PLXNA2: variants seen among roughly 807,000 people sequenced by gnomAD.
PLXNA2 encodes plexin-A2.
In PLXNA2, 91 loss-of-function variants were observed where a neutral mutation model predicts 193.5. The ratio of observed to expected loss-of-function variants is 0.47; its 90% CI spans 0.40 to 0.56. The LOEUF (loss-of-function observed/expected upper bound fraction) is 0.56. Among genes scored for constraint, PLXNA2 ranks in the 20% least tolerant of loss-of-function variants. The pLI is 0.00. For synonymous variants in PLXNA2, 997 were observed against 1,027.3 expected, an observed-to-expected ratio of 0.97 and a Z score of 0.56; for missense variants, 1,995 against 2,503.2, an observed-to-expected ratio of 0.80 and a Z score of 4.33.
chr1:208,203,242 C>T (rs988340337), intron 3 of PLXNA2, among the ~76,000 whole-genome samples: 5 of 152,150 alleles, frequency 3.3e-5, no homozygotes, highest in Non-Finnish European at 7.3e-5. Flanking sequence ...GGCGGGAGCC[C>T]GGGCAGGGAG....
chr1:208,047,692 G>A (rs546224549), intron 17 of PLXNA2, among the ~76,000 whole-genome samples: 2 of 152,306 alleles, frequency 1.3e-5, no homozygotes, highest in South Asian at 2.1e-4. Flanking sequence ...CATGTTATGC[G>A]TCTGGCCAAC....
intron 3 of PLXNA2, among the ~76,000 whole-genome samples, chr1:208,192,649 G>A (rs567563733): frequency 6.6e-6 from 1 of 152,106 alleles, no homozygotes; most frequent in African/African-American, 2.4e-5. Context: ...CACTTTGGGA[G>A]GCCAAGGTGG....
intron 8 of PLXNA2, 99 bp downstream of exon 8, chr1:208,095,930 A>T: frequency 2.3e-6 from 2 of 884,264 alleles, no homozygotes; most frequent in Non-Finnish European, 3.8e-6. Flanking sequence ...TGAGGTGACT[A>T]CAACGTGGTT....
chr1:208,124,679 CAA>C (rs34909092), intron 4 of PLXNA2, among the ~76,000 whole-genome samples: 11,329 of 68,438 alleles, frequency 0.17, 213 homozygotes, highest in Middle Eastern at 0.2. Flanking sequence ...AACTCCGTCT[CAA>C]AAAAAAAAAA....
intron 26 of PLXNA2, among the ~76,000 whole-genome samples, chr1:208,036,364 G>A (rs552788131): frequency 6.6e-5 from 10 of 152,234 alleles, no homozygotes; most frequent in African/African-American, 1.9e-4. Flanking sequence ...TCACTAAACC[G>A]CTCCTGTCCT....
At chr1:208,224,221 A>G (rs1671440930) in intron 1 of PLXNA2, among the ~76,000 whole-genome samples, 1 of 152,100 alleles carries the variant, frequency 6.6e-6, no homozygotes, top group South Asian at 2.1e-4. Flanking sequence ...CTGGTATTTA[A>G]ATAATTATTA....
intron 12 of PLXNA2, among the ~76,000 whole-genome samples, chr1:208,068,363 C>G (rs545703172): frequency 6.6e-6 from 1 of 152,142 alleles, no homozygotes; most frequent in Admixed American, 6.5e-5. Flanking sequence ...TGCAATCTCC[C>G]TTGCTTTAAT....
At chr1:208,042,715 T>C (rs750616241) in intron 21 of PLXNA2, among the ~76,000 whole-genome samples, 4 of 152,250 alleles carry the variant, frequency 2.6e-5, no homozygotes, top group Non-Finnish European at 5.9e-5. Context: ...TTATTATCTT[T>C]AGTAAAACAA....
At chr1:208,072,771 G>A (rs1666015711) in intron 12 of PLXNA2, among the ~76,000 whole-genome samples, 1 of 152,178 alleles carries the variant, frequency 6.6e-6, no homozygotes, top group South Asian at 2.1e-4. Flanking sequence ...AGGAGTAAGT[G>A]TGGACCTCAT....
At chr1:208,157,239 C>T (rs1347791199) in intron 3 of PLXNA2, among the ~76,000 whole-genome samples, 1 of 152,216 alleles carries the variant, frequency 6.6e-6, no homozygotes, top group African/African-American at 2.4e-5. Context: ...GATCCTGGTG[C>T]CTATGTTGAC....
intron 9 of PLXNA2, among the ~76,000 whole-genome samples, chr1:208,086,967 C>T (rs1173958644): frequency 1.1e-4 from 8 of 70,664 alleles, no homozygotes; most frequent in Non-Finnish European, 2.3e-4. Context: ...CTCTCTCTCT[C>T]TCTCTCTCTC....
In PLXNA2 at chr1:208,152,943, T is replaced by TGCTAGGAGTTCCTAGGTGCTA. The variant is rs1668817873; in HGVS notation, c.1372-10481_1372-10480insTAGCACCTAGGAACTCCTAGC. Reference sequence around the variant, plus strand: ...CACGAAGCCTGCACCAATCTTTCCTTGGAACTCCCATAGCACCTAGAATGT... The same window carrying TGCTAGGAGTTCCTAGGTGCTA: ...CACGAAGCCTGCACCAATCTTTCCTTGCTAGGAGTTCCTAGGTGCTAGGAACTCCCATAGCACCTAGAATGT... On this transcript the variant is annotated intron_variant, in intron 3 of 31. Coordinates refer to ENST00000367033, the MANE Select transcript of PLXNA2 (RefSeq NM_025179.4). Among the ~76,000 whole-genome samples the TGCTAGGAGTTCCTAGGTGCTA allele has an allele frequency of 6.6e-5, 10 of 152,110 alleles. 1 individual carries two copies. In the South Asian group the frequency reaches 2.1e-3, roughly 32 times the overall value.
rs1666371025 is a variant in PLXNA2 at position 208,082,309 on chromosome 1, G to A, written c.2395+103C>T. On this transcript the variant is annotated intron_variant, in intron 11 of 31. Transcript: ENST00000367033. This position sits in a 1 kb window ranked among gnomAD's most constrained non-coding sequence, Gnocchi z 4.2. Reference sequence around the variant, plus strand: ...GAAGAGTTCCGCCGACAGAGGGAGTGTATTATTCATGGCACAGCGGCTGGC... The same window carrying A: ...GAAGAGTTCCGCCGACAGAGGGAGTATATTATTCATGGCACAGCGGCTGGC... 1 of 842,364 alleles carries A rather than the reference G, an allele frequency of 1.2e-6. No homozygotes were observed. The highest frequency in any genetic ancestry group is 2.0e-6 in the Non-Finnish European group (1 of 503,802). The allele number at this position is 842,364 out of a possible 1,614,324, so 52.2% of individuals were successfully genotyped here. A position where few individuals can be genotyped will look rare whatever the true frequency, so the allele number is the denominator to read the frequency against.
intron 3 of PLXNA2, among the ~76,000 whole-genome samples, chr1:208,143,351 T>C (rs607354): frequency 1 from 152,362 of 152,362 alleles, 76,181 homozygotes; most frequent in Non-Finnish European, 1. Flanking sequence ...GAGGCCCACC[T>C]CCAGAATTTC....
In PLXNA2 at chr1:208,096,881, A is replaced by T. The variant is rs1184660115; in HGVS notation, c.1734T>A (p.Leu578=). 8 of 1,612,934 alleles carry T rather than the reference A, an allele frequency of 5.0e-6. No individual in the cohort carries two copies. In the African/African-American group the frequency reaches 1.1e-4, roughly 22 times the overall value. The change falls in exon 7 of 32, where the codon CTT becomes CTA. Residue 578 remains leucine, a splice_region_variant and synonymous_variant. Coordinates refer to ENST00000367033, the MANE Select transcript of PLXNA2 (RefSeq NM_025179.4). ...SISVSEHSRL[L]SLVVSDAPDL... is the part of the protein sequence containing the mutation. The stretch of plus-strand genomic sequence containing the variant: ...CAGGAGCATCACTCACTACCAGGCT[A>T]AGCTGTGGGAGGAGCAAAGAGATGA...
Position 208,213,443 on chromosome 1 carries a change from G to A in PLXNA2, c.1189-2981C>T, listed in dbSNP as rs190657124. Among the ~76,000 whole-genome samples the A allele has an allele frequency of 7.9e-5, 12 of 151,948 alleles. No individual in the cohort carries two copies. The East Asian group carries it at 2.3e-3, about 29-fold the overall frequency. On this transcript the variant is annotated intron_variant, in intron 2 of 31. Coordinates refer to ENST00000367033, the MANE Select transcript of PLXNA2 (RefSeq NM_025179.4). ...TCTGAGCAACTTACTTAGTCTTTGT[G>A]AGCCTTTGTTTTTTAATCTGTAAAA...
rs1664612447 is a variant in PLXNA2 at position 208,034,548 on chromosome 1, G to A, written c.4809C>T (p.Ser1603=). Residue 1603 remains serine, a synonymous_variant, in exon 27 of 32, where the codon TCC becomes TCT. Coordinates refer to ENST00000367033, the MANE Select transcript of PLXNA2 (RefSeq NM_025179.4). ...TGGCAGAGGCAGGGATGTTGTAGGA[G>A]GAGGTCTGTTTGGGGACCAGAGCCA... ...SVVALVPKQT[S]SYNIPASASI... 4 of 1,613,976 alleles carry A rather than the reference G, an allele frequency of 2.5e-6. No individual in the cohort carries two copies. In the Admixed American group the frequency reaches 5.0e-5, roughly 20 times the overall value.
rs117574378 is a variant in PLXNA2, at chr1:208,115,551, C to G, written c.1507-12304G>C. On this transcript the variant is annotated intron_variant, in intron 4 of 31. Coordinates refer to ENST00000367033, the MANE Select transcript of PLXNA2 (RefSeq NM_025179.4). ...CATGTTCTCAACTTTTACACCATAC[C>G]GCCTCTTAGACATGAAGGATGGCAT... is the stretch of plus-strand genomic sequence containing the variant. Among the ~76,000 whole-genome samples the G allele has an allele frequency of 5.9e-5, 9 of 152,242 alleles. No homozygotes were observed. The East Asian group carries it at 1.5e-3, about 26-fold the overall frequency.
intron 22 of PLXNA2, 196 bp from the exon 23 acceptor site, chr1:208,040,254 G>T: frequency 1.7e-6 from 1 of 590,548 alleles, no homozygotes; most frequent in East Asian, 2.8e-5. Flanking sequence ...CTTCTTTCTG[G>T]GCCTCAATTT....
Sources: gnomAD v4.1 joint callset for allele counts (sites outside exome capture counted in the v4.1 genomes callset) on GRCh38, gnomAD v4.1.1 for gene constraint, Gnocchi (gnomAD v3.1) non-coding constraint, MANE v1.5 for transcripts, NCBI Gene and HGNC (gene_info 2026-07-23, HGNC 2026-07-21) for gene names.